FBN2: variants seen among roughly 807,000 people sequenced by gnomAD.
FBN2 encodes fibrillin 2.
Under a neutral mutation model 355.6 loss-of-function variants are expected in FBN2, and 105 were observed. That is an observed-to-expected ratio of 0.30 (90% CI 0.25 to 0.35). The LOEUF (loss-of-function observed/expected upper bound fraction) is 0.35. FBN2 is among the 10% of genes least tolerant of loss of function. The probability of loss-of-function intolerance (pLI) is 1.00; values close to 1 mark genes in which losing one functional copy is unlikely to be tolerated. For missense variants in FBN2, 3,280 were observed against 3,758.7 expected (o/e 0.87, Z 3.33); for synonymous variants, 1,350 against 1,301.2 (o/e 1.04, Z -0.81).
intron 58 of FBN2, among the ~76,000 whole-genome samples, chr5:128,277,017 C>T (rs1165043173): frequency 6.6e-6 from 1 of 152,132 alleles, no homozygotes; most frequent in Non-Finnish European, 1.5e-5. Flanking sequence ...TAACATACGG[C>T]GTTGATGCCC....
chr5:128,405,286 G>A (rs756904796), intron 8 of FBN2, among the ~76,000 whole-genome samples: 1 of 152,128 alleles, frequency 6.6e-6, no homozygotes, highest in Non-Finnish European at 1.5e-5. Flanking sequence ...AAGATGCTTC[G>A]GGCAGAGGGG....
At chr5:128,260,728 T>C (rs1764943593) in intron 64 of FBN2, among the ~76,000 whole-genome samples, 1 of 152,210 alleles carries the variant, frequency 6.6e-6, no homozygotes, top group Admixed American at 6.5e-5. Context: ...TATTATAAAA[T>C]AGCATCATGA....
chr5:128,369,159 G>C, intron 16 of FBN2, 23 bp downstream of exon 16: 2 of 1,612,844 alleles, frequency 1.2e-6, no homozygotes, highest in East Asian at 4.5e-5. Context: ...TTTATCAACT[G>C]TGAAAATGGC....
intron 24 of FBN2, 61 bp downstream of exon 24, chr5:128,345,296 G>T: frequency 7.5e-7 from 1 of 1,341,250 alleles, no homozygotes; most frequent in Non-Finnish European, 1.1e-6. Flanking sequence ...CCAATTCTCA[G>T]AGAATGTGGA....
At chr5:128,384,160 T>C (rs1022740779) in intron 11 of FBN2, among the ~76,000 whole-genome samples, 1 of 152,108 alleles carries the variant, frequency 6.6e-6, no homozygotes, top group Non-Finnish European at 1.5e-5. Context: ...AGAATAATTA[T>C]GCTGAGTAAA....
chr5:128,477,716 G>C (rs917523378), intron 5 of FBN2, among the ~76,000 whole-genome samples: 1 of 152,094 alleles, frequency 6.6e-6, no homozygotes, highest in African/African-American at 2.4e-5. Flanking sequence ...AACAGACCCC[G>C]AGTCTGAAGT....
intron 6 of FBN2, among the ~76,000 whole-genome samples, chr5:128,446,979 T>C (rs574211230): frequency 6.8e-4 from 104 of 152,324 alleles, no homozygotes; most frequent in Admixed American, 2.3e-3. Context: ...CTTACGCCTG[T>C]CTTTACTGCA....
intron 8 of FBN2, among the ~76,000 whole-genome samples, chr5:128,400,768 G>A (rs910212567): frequency 6.6e-6 from 1 of 152,120 alleles, no homozygotes; most frequent in African/African-American, 2.4e-5. Context: ...ACCAAATACA[G>A]TAACACATTT....
intron 36 of FBN2, among the ~76,000 whole-genome samples, chr5:128,313,149 T>C (rs1750105668): frequency 6.6e-6 from 1 of 152,226 alleles, no homozygotes; most frequent in African/African-American, 2.4e-5. Context: ...GTTTATCCAA[T>C]GGTTTAGTTT....
At chr5:128,368,296 A>G (rs1751826253) in intron 16 of FBN2, among the ~76,000 whole-genome samples, 1 of 151,792 alleles carries the variant, frequency 6.6e-6, no homozygotes, top group African/African-American at 2.4e-5. Flanking sequence ...TAAACTATGA[A>G]CAGACAAGAG....
chr5:128,458,404 A>G (rs190706296), intron 6 of FBN2, among the ~76,000 whole-genome samples: 1 of 150,072 alleles, frequency 6.7e-6, no homozygotes, highest in East Asian at 1.9e-4. Flanking sequence ...GATAAATGAG[A>G]CAGGAAATTA....
chr5:128,385,158 C>T (rs1454471203), intron 11 of FBN2, among the ~76,000 whole-genome samples: 1 of 152,038 alleles, frequency 6.6e-6, no homozygotes, highest in Non-Finnish European at 1.5e-5. Context: ...TTTCATCACC[C>T]ATGTAATAAG....
In FBN2 at chr5:128,263,411, G is replaced by GT. The variant is rs745964468; in HGVS notation, c.8192+13_8192+14insA. On this transcript the variant is annotated intron_variant, in intron 63 of 64. Coordinates refer to ENST00000262464, the MANE Select transcript of FBN2 (RefSeq NM_001999.4). The stretch of plus-strand genomic sequence containing the variant: ...ATGTATTCCTCTATGTGCTGAGGCT[G>GT]AAGGCCGCCTTACCCTTGTCCCACT... The GT allele has an allele frequency of 6.3e-7, 1 of 1,592,460 alleles. No homozygotes were observed. The highest frequency in any genetic ancestry group is 8.6e-7 in the Non-Finnish European group (1 of 1,160,426).
rs543546489 is a variant in FBN2, at chr5:128,537,454, A to G, written c.150T>C (p.Ala50=). The G allele has an allele frequency of 2.4e-5, 39 of 1,607,230 alleles. No individual in the cohort carries two copies. The East Asian group carries it at 8.0e-4, about 33-fold the overall frequency. Residue 50 remains alanine, a synonymous_variant, in exon 1 of 65, where the codon GCT becomes GCC. Transcript: ENST00000262464. ...PQPPPQQVRS[A]TAGSEGGFLA... ...GAAACCCGCCTTCAGAGCCTGCTGTAGCGGACCGAACCTGTTGCGGCGGCG... is the reference window on the plus strand; with the variant it reads ...GAAACCCGCCTTCAGAGCCTGCTGTGGCGGACCGAACCTGTTGCGGCGGCG...
chr5:128,409,609 T>A (rs1314099017), intron 7 of FBN2, among the ~76,000 whole-genome samples: 1 of 152,162 alleles, frequency 6.6e-6, no homozygotes, highest in African/African-American at 2.4e-5. Context: ...TGGGAGCTAA[T>A]TGCTAATACA....
At position 128,276,144 on chromosome 5, in the gene FBN2, G is replaced by C; in HGVS notation, c.7488C>G (p.Ser2496=). 3.7e-6 allele frequency: 6 copies of C among 1,613,698 alleles called. No homozygotes were observed. The highest frequency in any genetic ancestry group is 5.1e-6 in the Non-Finnish European group (6 of 1,179,708). ...GTSCIDLDEC[S]QSPKPCNYIC... ...TGTAGTTGCATGGTTTCGGGGACTG[G>C]GAGCATTCATCAAGGTCTAAGTAAA... is the stretch of plus-strand genomic sequence containing the variant. Residue 2496 remains serine, a synonymous_variant, in exon 59 of 65, where the codon TCC becomes TCG. Coordinates refer to ENST00000262464, the MANE Select transcript of FBN2 (RefSeq NM_001999.4).
chr5:128,269,559 A>G (rs1399280850), intron 62 of FBN2, among the ~76,000 whole-genome samples: 1 of 152,162 alleles, frequency 6.6e-6, no homozygotes, highest in African/African-American at 2.4e-5. Flanking sequence ...AATGTGCAAG[A>G]ATCACAAGCA....
At chr5:128,428,282 T>C (rs1401707197) in intron 7 of FBN2, among the ~76,000 whole-genome samples, 1 of 152,172 alleles carries the variant, frequency 6.6e-6, no homozygotes, top group Non-Finnish European at 1.5e-5. Flanking sequence ...ATTATACTTC[T>C]TAACTGAAAA....
At chr5:128,310,391 TATATATATATA>T (rs1196808532) in intron 39 of FBN2, among the ~76,000 whole-genome samples, 69 of 8,408 alleles carry the variant, frequency 8.2e-3, no homozygotes, top group South Asian at 0.038. Flanking sequence ...TATATATATA[TATATATATATA>T]TTTTTTTTTT....
Sources: gnomAD v4.1 joint callset for allele counts (sites outside exome capture counted in the v4.1 genomes callset) on GRCh38, gnomAD v4.1.1 for gene constraint, MANE v1.5 for transcripts, NCBI Gene and HGNC (gene_info 2026-07-23, HGNC 2026-07-21) for gene names.